Variants in RAI14 observed in about 807,000 individuals in gnomAD.
The protein encoded by RAI14 is retinoic acid induced 14.
In RAI14, 45 loss-of-function variants were observed where a neutral mutation model predicts 115.4. The ratio of observed to expected loss-of-function variants is 0.39; its 90% CI spans 0.31 to 0.50. The LOEUF (loss-of-function observed/expected upper bound fraction) is 0.50, where lower values mean the gene tolerates loss of function less well. Ranked by LOEUF, RAI14 falls within the 20% of genes least tolerant of loss-of-function variation. The pLI is 0.85. For missense variants in RAI14, 939 were observed against 1,131.2 expected, an observed-to-expected ratio of 0.83 and a Z score of 2.44; for synonymous variants, 371 against 415.4, an observed-to-expected ratio of 0.89 and a Z score of 1.30.
chr5:34,782,909 T>C (rs1023861785), intron 3 of RAI14, among the ~76,000 whole-genome samples: 2 of 152,212 alleles, frequency 1.3e-5, no homozygotes, highest in Admixed American at 1.3e-4. Context: ...TGTTCTGCAA[T>C]GCAATCTTCC....
intron 2 of RAI14, among the ~76,000 whole-genome samples, chr5:34,714,534 A>G (rs1191673376): frequency 6.6e-6 from 1 of 152,188 alleles, no homozygotes; most frequent in Non-Finnish European, 1.5e-5. Context: ...TATGATCTTG[A>G]TCATTTGCCA....
chr5:34,728,387 G>T (rs1234086576), intron 2 of RAI14, among the ~76,000 whole-genome samples: 1 of 152,158 alleles, frequency 6.6e-6, no homozygotes, highest in Non-Finnish European at 1.5e-5. Flanking sequence ...GGGGCAGATT[G>T]CTATGGTTTG....
chr5:34,720,728 A>T (rs6451163), intron 2 of RAI14, among the ~76,000 whole-genome samples: 85,431 of 151,692 alleles, frequency 0.56, 24,660 homozygotes, highest in African/African-American at 0.68. Context: ...TTTCTACTTG[A>T]CTAATAAAAG....
rs370583443 is a variant in RAI14, at chr5:34,725,662, G to A, written c.37-31806G>A. ...AAGAATACGTCACCGATAACCAAGT[G>A]CTGCAATTAAAATAAGATGCTGGCC... On this transcript the variant is annotated intron_variant, in intron 2 of 17. Transcript: ENST00000265109. 1.5e-4 allele frequency among the ~76,000 whole-genome samples: 23 copies of A among 152,032 alleles called. No homozygotes were observed. In the South Asian group the frequency reaches 4.4e-3, roughly 29 times the overall value.
intron 2 of RAI14, among the ~76,000 whole-genome samples, chr5:34,705,723 C>T (rs1406482946): frequency 6.6e-6 from 1 of 152,208 alleles, no homozygotes; most frequent in Non-Finnish European, 1.5e-5. Context: ...TCTCAGCTCA[C>T]TGCAACCTCC....
At chr5:34,683,539 C>A (rs554353360) in intron 1 of RAI14, among the ~76,000 whole-genome samples, 24 of 152,214 alleles carry the variant, frequency 1.6e-4, no homozygotes, top group African/African-American at 5.8e-4. Flanking sequence ...TTGCCTAAGA[C>A]TTTGTGCTCT....
chr5:34,782,382 A>G (rs1003028386), intron 3 of RAI14, among the ~76,000 whole-genome samples: 1 of 152,166 alleles, frequency 6.6e-6, no homozygotes, highest in African/African-American at 2.4e-5. Context: ...CAGAGACAAC[A>G]CAGATTAAAA....
chr5:34,679,135 T>C (rs1744206897), intron 1 of RAI14, among the ~76,000 whole-genome samples: 1 of 152,176 alleles, frequency 6.6e-6, no homozygotes, highest in South Asian at 2.1e-4. Flanking sequence ...GTAGGTGTGG[T>C]AGGAATCATT....
chr5:34,727,629 C>T (rs546212660), intron 2 of RAI14, among the ~76,000 whole-genome samples: 106 of 152,240 alleles, frequency 7.0e-4, no homozygotes, highest in Middle Eastern at 3.4e-3. Context: ...CTGCTCCAGC[C>T]GTGGCTCAAA....
chr5:34,811,171 A>G lies in RAI14; in HGVS notation c.557+53A>G, dbSNP rs949553514. 5.1e-6 allele frequency: 8 copies of G among 1,565,212 alleles called. No homozygotes were observed. In the African/African-American group the frequency reaches 9.5e-5, roughly 19 times the overall value. On this transcript the variant is annotated intron_variant, in intron 8 of 17. Coordinates refer to ENST00000265109, the MANE Select transcript of RAI14 (RefSeq NM_015577.3). Reference sequence around the variant, plus strand: ...TGACTTCAGTGATACCCACATTCTGAGAGTATTTCAAAATATCACAGCTAT... The same window carrying G: ...TGACTTCAGTGATACCCACATTCTGGGAGTATTTCAAAATATCACAGCTAT...
In RAI14 at chr5:34,810,050, C is replaced by T. The variant is rs560318235; in HGVS notation, c.451-962C>T. ...TCATATTCCTTGAAGTTCAGTACTT[C>T]CTAAGCAGAAAGTAGTATAACTTCA... On this transcript the variant is annotated intron_variant, in intron 7 of 17. Coordinates refer to ENST00000265109, the MANE Select transcript of RAI14 (RefSeq NM_015577.3). 1.8e-4 allele frequency among the ~76,000 whole-genome samples: 28 copies of T among 152,208 alleles called. No homozygotes were observed. In the South Asian group the frequency reaches 5.8e-3, roughly 31 times the overall value.
chr5:34,814,443 A>G, intron 11 of RAI14, 140 bp from the exon 12 acceptor site: 1 of 637,446 alleles, frequency 1.6e-6, no homozygotes, highest in Non-Finnish European at 2.8e-6. Context: ...AAAATATTCT[A>G]CCCGTGAATT....
chr5:34,786,176 A>G (rs1317239393), intron 3 of RAI14, among the ~76,000 whole-genome samples: 2 of 152,200 alleles, frequency 1.3e-5, no homozygotes, highest in East Asian at 3.9e-4. Context: ...CCCAAATTTA[A>G]AAGGAAAAGG....
chr5:34,688,027 A>G (rs1738066737), intron 2 of RAI14: 2 of 1,365,350 alleles, frequency 1.5e-6, no homozygotes, highest in African/African-American at 1.5e-5. Flanking sequence ...AGAACTGGGA[A>G]GCGTTATGAA....
intron 2 of RAI14, chr5:34,688,022 T>C: frequency 7.4e-7 from 1 of 1,359,520 alleles, no homozygotes; most frequent in Non-Finnish European, 9.8e-7. Flanking sequence ...AAGAAAGAAC[T>C]GGGAAGCGTT....
intron 1 of RAI14, among the ~76,000 whole-genome samples, chr5:34,682,561 A>G (rs1744467209): frequency 6.6e-6 from 1 of 152,220 alleles, no homozygotes; most frequent in Non-Finnish European, 1.5e-5. Flanking sequence ...GATGGAAACA[A>G]GCATGTACAT....
rs1019268024 is a variant in RAI14, at chr5:34,759,036, T to C, written c.167+1438T>C. 7.3e-5 allele frequency among the ~76,000 whole-genome samples: 11 copies of C among 151,556 alleles called. 1 individual carries two copies. Among genetic ancestry groups the C allele is most frequent in the Non-Finnish European group, 1.6e-4 (11 of 67,848 alleles). The stretch of plus-strand genomic sequence containing the variant: ...CAGCACTTTGGGAGGCCGAGGCGGG[T>C]GGAATCACTTGAGGTCAGGAGTTCA... On this transcript the variant is annotated intron_variant, in intron 3 of 17. Transcript: ENST00000265109.
chr5:34,750,601 C>T (rs1324071430), intron 2 of RAI14, among the ~76,000 whole-genome samples: 2 of 151,894 alleles, frequency 1.3e-5, no homozygotes, highest in Non-Finnish European at 2.9e-5. Flanking sequence ...TTGTATGCCT[C>T]AAGGGGGATG....
intron 1 of RAI14, among the ~76,000 whole-genome samples, chr5:34,677,869 A>G (rs559979126): frequency 6.6e-6 from 1 of 152,176 alleles, no homozygotes; most frequent in Admixed American, 6.5e-5. Flanking sequence ...TTGTTATTTT[A>G]ATGGCAAAAA....
Sources: gnomAD v4.1 joint callset for allele counts (sites outside exome capture counted in the v4.1 genomes callset) on GRCh38, gnomAD v4.1.1 for gene constraint, MANE v1.5 for transcripts, NCBI Gene and HGNC (gene_info 2026-07-23, HGNC 2026-07-21) for gene names.